The following PPP1R9A variants were observed in gnomAD, a reference collection of about 807,000 sequenced individuals.
The protein encoded by PPP1R9A is neurabin-1.
In PPP1R9A, 59 loss-of-function variants were observed where a neutral mutation model predicts 141.9. The ratio of observed to expected loss-of-function variants is 0.42; its 90% CI spans 0.34 to 0.52. The LOEUF (loss-of-function observed/expected upper bound fraction) is 0.52, where lower values mean the gene tolerates loss of function less well. PPP1R9A is among the 20% of genes least tolerant of loss of function. The pLI, the probability that PPP1R9A is intolerant of heterozygous loss-of-function variation, is 0.10. For synonymous variants in PPP1R9A, 500 were observed against 569.7 expected, an observed-to-expected ratio of 0.88 and a Z score of 1.74; for missense variants, 1,444 against 1,611.9, an observed-to-expected ratio of 0.90 and a Z score of 1.78.
intron 2 of PPP1R9A, among the ~76,000 whole-genome samples, chr7:95,055,326 TAGTACTGAAGTTTTCTGTTGAAAACTTC>T (rs1437912666): frequency 6.6e-6 from 1 of 151,888 alleles, no homozygotes; most frequent in Admixed American, 6.5e-5. Flanking sequence ...TTGAGAACTC[TAGTACTGAAGTTTTCTGTTGAAAACTTC>T]AAAATTCTTA....
chr7:95,185,368 T>A (rs1834488761), intron 5 of PPP1R9A, among the ~76,000 whole-genome samples: 1 of 110,054 alleles, frequency 9.1e-6, no homozygotes, highest in Admixed American at 9.7e-5. Flanking sequence ...CTAGCCCACT[T>A]TTTTATGGGA....
chr7:95,200,227 G>A (rs370167072), intron 6 of PPP1R9A, among the ~76,000 whole-genome samples: 7 of 151,618 alleles, frequency 4.6e-5, no homozygotes, highest in South Asian at 2.1e-4. Context: ...ATTTTGAGGC[G>A]CTGATCACAT....
intron 5 of PPP1R9A, among the ~76,000 whole-genome samples, chr7:95,181,402 A>G (rs1833760419): frequency 7.3e-6 from 1 of 137,740 alleles, no homozygotes; most frequent in African/African-American, 2.7e-5. Flanking sequence ...GAATATATAT[A>G]TTCCATCATA....
intron 12 of PPP1R9A, among the ~76,000 whole-genome samples, chr7:95,262,000 A>C (rs2153033139): frequency 6.6e-6 from 1 of 152,312 alleles, no homozygotes; most frequent in Non-Finnish European, 1.5e-5. Flanking sequence ...AGAGGCCTAC[A>C]ATCTGAATTC....
chr7:94,936,597 G>A (rs1276549448), intron 2 of PPP1R9A, among the ~76,000 whole-genome samples: 3 of 151,824 alleles, frequency 2.0e-5, no homozygotes, highest in African/African-American at 7.3e-5. Context: ...TGTTAAAGTT[G>A]TTTAAACAGT....
At chr7:95,088,746 G>A (rs1816955123) in intron 2 of PPP1R9A, among the ~76,000 whole-genome samples, 1 of 151,958 alleles carries the variant, frequency 6.6e-6, no homozygotes, top group Non-Finnish European at 1.5e-5. Flanking sequence ...GGGGTGATGT[G>A]AGTAAGTGGG....
chr7:94,926,479 T>TG (rs1793501156), intron 2 of PPP1R9A, among the ~76,000 whole-genome samples: 2 of 152,340 alleles, frequency 1.3e-5, no homozygotes, highest in African/African-American at 4.8e-5. Context: ...ATCAGAAAGT[T>TG]GTAAAGCTAC....
intron 6 of PPP1R9A, among the ~76,000 whole-genome samples, chr7:95,202,148 A>G (rs1000614943): frequency 3.3e-5 from 5 of 152,176 alleles, no homozygotes; most frequent in African/African-American, 9.7e-5. Flanking sequence ...TTATGCTTAG[A>G]CATATCTGTT....
At chr7:95,085,109 T>C (rs1816426089) in intron 2 of PPP1R9A, among the ~76,000 whole-genome samples, 1 of 152,028 alleles carries the variant, frequency 6.6e-6, no homozygotes, top group Non-Finnish European at 1.5e-5. Flanking sequence ...AATTCAGTGT[T>C]TTAATTTATA....
intron 7 of PPP1R9A, among the ~76,000 whole-genome samples, chr7:95,216,388 G>T (rs142571549): frequency 1.3e-5 from 2 of 152,198 alleles, no homozygotes; most frequent in Admixed American, 1.3e-4. Context: ...ATAGTTTGAA[G>T]TCAGGTAGCA....
intron 2 of PPP1R9A, among the ~76,000 whole-genome samples, chr7:95,037,264 A>G (rs983979196): frequency 2.0e-5 from 3 of 152,316 alleles, no homozygotes; most frequent in African/African-American, 4.8e-5. Context: ...GAAATTTTAT[A>G]TATAAATGTA....
rs77088243 is a variant in PPP1R9A at position 95,089,489 on chromosome 7, A to G, written c.1396-21770A>G. ...CTTCTTTCCTTGAATCTAAAATAAG[A>G]TTAGACCAGATATGGCAAATACGTT... On this transcript the variant is annotated intron_variant, in intron 2 of 19. Transcript: ENST00000433360. Among the ~76,000 whole-genome samples, 13 of 152,192 alleles carry G rather than the reference A, an allele frequency of 8.5e-5. No homozygotes were observed. The East Asian group carries it at 1.9e-3, about 23-fold the overall frequency.
intron 12 of PPP1R9A, among the ~76,000 whole-genome samples, chr7:95,258,343 C>T (rs1356035835): frequency 1.8e-4 from 28 of 151,666 alleles, no homozygotes; most frequent in Non-Finnish European, 2.8e-4. Context: ...TCATATCCTT[C>T]GCCCACTTTT....
Position 94,910,288 on chromosome 7 carries a change from T to C in PPP1R9A, c.175T>C (p.Tyr59His). Residue 59 changes from tyrosine (Y) to histidine (H), a missense_variant, in exon 2 of 20, where the codon TAT (tyrosine) becomes CAT (histidine). Physicochemically the swap from Tyr to His is moderately conservative, Grantham distance 83. This residue lies in a region of PPP1R9A where 490 missense variants were observed against 521.1 expected (regional missense o/e 0.94). Transcript: ENST00000433360. The surrounding 1 kb of genome is among the most constrained non-coding windows in gnomAD (Gnocchi z 4.5). Reference protein sequence around the residue: ...EGSQQSRGRKYGSNVNRIKNL... With the variant: ...EGSQQSRGRKHGSNVNRIKNL... ...CTCCCAGCAGAGCAGGGGGAGGAAA[T>C]ATGGCTCCAATGTCAACAGAATTAA... 1.2e-6 allele frequency: 2 copies of C among 1,613,766 alleles called. No homozygotes were observed. The highest frequency in any genetic ancestry group is 1.7e-6 in the Non-Finnish European group (2 of 1,179,950).
Position 95,290,554 on chromosome 7 carries a change from T to C in PPP1R9A, c.*251T>C. 1 of 442,540 alleles carries C rather than the reference T, an allele frequency of 2.3e-6. No homozygotes were observed. Among genetic ancestry groups the C allele is most frequent in the African/African-American group, 2.0e-5 (1 of 50,946 alleles). 27.4% of individuals were successfully genotyped at this position (442,540 alleles called of 1,614,324 possible). ...GAGATTTCATTTAAGTAGCTGTGTT[T>C]TGCTCTTCTCTAACTTACCAACATC... On this transcript the variant is annotated 3_prime_UTR_variant, in exon 20 of 20. Transcript: ENST00000433360.
intron 7 of PPP1R9A, among the ~76,000 whole-genome samples, chr7:95,215,665 T>G (rs1364843419): frequency 2.6e-5 from 4 of 152,244 alleles, no homozygotes; most frequent in African/African-American, 9.6e-5. Context: ...ATCGCCATTC[T>G]AACTGGCATG....
intron 5 of PPP1R9A, among the ~76,000 whole-genome samples, chr7:95,180,275 A>C (rs1349138818): frequency 6.6e-6 from 1 of 152,170 alleles, no homozygotes; most frequent in East Asian, 1.9e-4. Flanking sequence ...AAAATGGGGA[A>C]TGGACACCCT....
intron 2 of PPP1R9A, among the ~76,000 whole-genome samples, chr7:95,013,981 CCTT>C (rs1190311108): frequency 6.6e-6 from 1 of 151,976 alleles, no homozygotes; most frequent in East Asian, 1.9e-4. Context: ...GTTTTCTCTG[CCTT>C]CTTCTTTTTT....
chr7:94,940,083 A>G (rs571597786), intron 2 of PPP1R9A, among the ~76,000 whole-genome samples: 3 of 152,190 alleles, frequency 2.0e-5, no homozygotes, highest in Non-Finnish European at 2.9e-5. Context: ...CAGTATTTCT[A>G]TGGAAAAGAA....
Sources: allele counts gnomAD v4.1 joint callset (sites outside exome capture counted in the v4.1 genomes callset), GRCh38; gene constraint gnomAD v4.1.1; regional missense constraint gnomAD v4.1.1; non-coding constraint Gnocchi (gnomAD v3.1); transcripts MANE v1.5; gene names NCBI Gene and HGNC (gene_info 2026-07-23, HGNC 2026-07-21).